Variants in TMEM163 observed in about 807,000 individuals in gnomAD.
TMEM163 encodes transmembrane protein 163.
TMEM163 carries 17 observed loss-of-function variants against 29.3 expected under a neutral mutation model. The observed-to-expected ratio is 0.58, with a 90% CI of 0.40 to 0.87. TMEM163 has a LOEUF of 0.87. TMEM163 is among the 40% of genes least tolerant of loss of function. The probability of loss-of-function intolerance (pLI) is 0.00; values close to 1 mark genes in which losing one functional copy is unlikely to be tolerated. For synonymous variants in TMEM163, 157 were observed against 160.6 expected (o/e 0.98, Z 0.17); for missense variants, 303 against 381.5 (o/e 0.79, Z 1.71).
At chr2:134,589,861 G>A (rs149463806) in intron 2 of TMEM163, among the ~76,000 whole-genome samples, 1 of 152,088 alleles carries the variant, frequency 6.6e-6, no homozygotes, top group Non-Finnish European at 1.5e-5. Flanking sequence ...ACTCCTTTCT[G>A]GTAACAGAAT....
intron 2 of TMEM163, among the ~76,000 whole-genome samples, chr2:134,650,670 T>A (rs960210860): frequency 1.4e-5 from 2 of 143,796 alleles, no homozygotes; most frequent in African/African-American, 2.8e-5. Flanking sequence ...ATTAGGTATA[T>A]CTCCCAATGC....
At chr2:134,557,187 G>C (rs1034015883) in intron 2 of TMEM163, among the ~76,000 whole-genome samples, 1 of 152,236 alleles carries the variant, frequency 6.6e-6, no homozygotes, top group African/African-American at 2.4e-5. Flanking sequence ...GGAGAGTTAC[G>C]AGAGATAATT....
At chr2:134,457,994 G>T in intron 7 of TMEM163, 38 bp downstream of exon 7, 1 of 1,613,528 alleles carries the variant, frequency 6.2e-7, no homozygotes, top group Non-Finnish European at 8.5e-7. Flanking sequence ...GACACTCCTA[G>T]CTGCCAGGAA....
At chr2:134,638,321 G>T (rs183684968) in intron 2 of TMEM163, among the ~76,000 whole-genome samples, 2 of 152,334 alleles carry the variant, frequency 1.3e-5, no homozygotes, top group East Asian at 3.9e-4. Flanking sequence ...CAAACTGTGT[G>T]TCAGACTTTC....
chr2:134,554,691 T>C (rs975329682), intron 2 of TMEM163, among the ~76,000 whole-genome samples: 3 of 152,284 alleles, frequency 2.0e-5, no homozygotes, highest in Non-Finnish European at 4.4e-5. Context: ...ACAAAGGAGA[T>C]GGCCACTAAA....
intron 4 of TMEM163, among the ~76,000 whole-genome samples, chr2:134,528,238 A>G (rs554596481): frequency 6.6e-6 from 1 of 152,354 alleles, no homozygotes; most frequent in African/African-American, 2.4e-5. Context: ...TGGTGTTTGT[A>G]AGCAGATCTT....
At chr2:134,551,210 GTGTT>G (rs1359983830) in intron 3 of TMEM163, among the ~76,000 whole-genome samples, 1 of 152,018 alleles carries the variant, frequency 6.6e-6, no homozygotes, top group Non-Finnish European at 1.5e-5. Flanking sequence ...ATGTAGGTGT[GTGTT>G]TGTGTGTTTC....
chr2:134,467,830 G>A (rs952878548), intron 5 of TMEM163: 3 of 152,226 alleles, frequency 2.0e-5, no homozygotes, highest in Non-Finnish European at 4.4e-5. Flanking sequence ...GCTGGATGGA[G>A]GGGATATGGG....
chr2:134,557,041 AC>A (rs1681062907), intron 2 of TMEM163, among the ~76,000 whole-genome samples: 1 of 152,144 alleles, frequency 6.6e-6, no homozygotes, highest in South Asian at 2.1e-4. Flanking sequence ...TTAAGCAAAG[AC>A]TTAAGGAGAT....
At chr2:134,477,178 G>T (rs949826903) in intron 5 of TMEM163, among the ~76,000 whole-genome samples, 1 of 152,114 alleles carries the variant, frequency 6.6e-6, no homozygotes, top group African/African-American at 2.4e-5. Flanking sequence ...AGTGTCAGTC[G>T]CACTGCTGGC....
Position 134,700,925 on chromosome 2 carries a change from A to AATAC in TMEM163, c.322+12274_322+12275insGTAT, listed in dbSNP as rs1553495659. Among the ~76,000 whole-genome samples the AATAC allele has an allele frequency of 6.5e-3, 823 of 127,340 alleles. 13 individuals are homozygous for AATAC. The highest frequency in any genetic ancestry group is 0.03 in the African/African-American group (790 of 25,976). 83.5% of individuals were successfully genotyped at this position (127,340 alleles called of 152,430 possible). On this transcript the variant is annotated intron_variant, in intron 2 of 7. Transcript: ENST00000281924. ...TCGAAAATACATAAATAAATAAATA[A>AATAC]ATAAATAAATAAATAAATAAATAAA...
At chr2:134,476,713 G>T (rs1686925069) in intron 5 of TMEM163, among the ~76,000 whole-genome samples, 2 of 152,152 alleles carry the variant, frequency 1.3e-5, no homozygotes, top group Admixed American at 6.5e-5. Context: ...GACCTGGAGG[G>T]CTGGCTTTAA....
intron 4 of TMEM163, among the ~76,000 whole-genome samples, chr2:134,539,021 A>G (rs1204581618): frequency 1.2e-4 from 19 of 152,126 alleles, no homozygotes; most frequent in Admixed American, 1.2e-3. Context: ...TATAAAAACC[A>G]CCTATCTCTG....
intron 6 of TMEM163, among the ~76,000 whole-genome samples, chr2:134,464,808 T>TA (rs538036140): frequency 6.5e-4 from 99 of 152,206 alleles, no homozygotes; most frequent in African/African-American, 2.3e-3. Context: ...GCAGATGGAT[T>TA]CTTGGGCCAG....
chr2:134,686,323 G>C (rs992446710), intron 2 of TMEM163, among the ~76,000 whole-genome samples: 1 of 152,218 alleles, frequency 6.6e-6, no homozygotes, highest in African/African-American at 2.4e-5. Context: ...ATGAATATGG[G>C]TTGCGAAGCC....
intron 2 of TMEM163, among the ~76,000 whole-genome samples, chr2:134,663,293 TC>T (rs1181860251): frequency 6.6e-6 from 1 of 152,212 alleles, no homozygotes; most frequent in Non-Finnish European, 1.5e-5. Flanking sequence ...CTTCTGTTTG[TC>T]CTAATATTTC....
chr2:134,519,207 A>C (rs977518527), intron 4 of TMEM163, among the ~76,000 whole-genome samples: 1 of 152,218 alleles, frequency 6.6e-6, no homozygotes, highest in African/African-American at 2.4e-5. Flanking sequence ...CAAATAAATC[A>C]GATTAGAGAG....
intron 2 of TMEM163, among the ~76,000 whole-genome samples, chr2:134,586,202 C>T (rs1681819415): frequency 6.6e-6 from 1 of 152,192 alleles, no homozygotes; most frequent in Non-Finnish European, 1.5e-5. Flanking sequence ...AATCTCAGGC[C>T]AAGCTTGTAT....
intron 5 of TMEM163, among the ~76,000 whole-genome samples, chr2:134,497,749 C>T (rs1184581697): frequency 6.6e-6 from 1 of 152,164 alleles, no homozygotes; most frequent in Non-Finnish European, 1.5e-5. Context: ...TGCTAAAAGT[C>T]ACTCAGCCAG....
Sources: allele counts gnomAD v4.1 joint callset (sites outside exome capture counted in the v4.1 genomes callset), GRCh38; gene constraint gnomAD v4.1.1; transcripts MANE v1.5; gene names NCBI Gene and HGNC (gene_info 2026-07-23, HGNC 2026-07-21).